The following TRPC7 variants were observed in gnomAD, a reference collection of about 807,000 sequenced individuals.
TRPC7 encodes transient receptor potential cation channel subfamily C member 7, also known as short transient receptor potential channel 7.
In TRPC7, 42 loss-of-function variants were observed where a neutral mutation model predicts 90.1. The observed-to-expected ratio is 0.47, with a 90% CI of 0.36 to 0.60. TRPC7 has a LOEUF of 0.60. TRPC7 is among the 20% of genes least tolerant of loss of function. TRPC7 has a pLI of 0.00. For synonymous variants in TRPC7, 451 were observed against 436.3 expected, an observed-to-expected ratio of 1.03 and a Z score of -0.42; for missense variants, 955 against 1,112.3, an observed-to-expected ratio of 0.86 and a Z score of 2.01.
intron 7 of TRPC7, among the ~76,000 whole-genome samples, chr5:136,235,323 G>T (rs1347778894): frequency 6.6e-6 from 1 of 152,180 alleles, no homozygotes; most frequent in Non-Finnish European, 1.5e-5. Context: ...GCTCTACAAT[G>T]AACTTACGAT....
chr5:136,306,393 C>A (rs1401868554), intron 3 of TRPC7, among the ~76,000 whole-genome samples: 3 of 152,166 alleles, frequency 2.0e-5, no homozygotes, highest in Non-Finnish European at 4.4e-5. Flanking sequence ...ACCACAAAAT[C>A]TTCATTCAGC....
intron 2 of TRPC7, among the ~76,000 whole-genome samples, chr5:136,316,476 T>C (rs1759031231): frequency 6.6e-6 from 1 of 152,246 alleles, no homozygotes; most frequent in South Asian, 2.1e-4. Context: ...TCCTTTTGTA[T>C]GGCAAATCAT....
intron 3 of TRPC7, among the ~76,000 whole-genome samples, chr5:136,282,096 G>T (rs1757567990): frequency 6.6e-6 from 1 of 152,162 alleles, no homozygotes; most frequent in Non-Finnish European, 1.5e-5. Flanking sequence ...CAAGAAATCT[G>T]CATGGGATTC....
rs574068221 is a variant in TRPC7 at position 136,299,819 on chromosome 5, C to A, written c.963+15778G>T. ...AAGATGGCGCTTGTTGTTCTTTCCA[C>A]TTTGGGCTAGTAAATGCATCTGATT... On this transcript the variant is annotated intron_variant, in intron 3 of 11. Coordinates refer to ENST00000513104, the MANE Select transcript of TRPC7 (RefSeq NM_020389.3). Among the ~76,000 whole-genome samples the A allele has an allele frequency of 2.6e-5, 4 of 152,284 alleles. No homozygotes were observed. In the East Asian group the frequency reaches 5.8e-4, roughly 22 times the overall value.
intron 10 of TRPC7, among the ~76,000 whole-genome samples, chr5:136,224,896 CT>C (rs1375986379): frequency 1.3e-5 from 2 of 152,216 alleles, no homozygotes; most frequent in Non-Finnish European, 1.5e-5. Flanking sequence ...TCTCGGCTGA[CT>C]GTTCTCTCCT....
In TRPC7 at chr5:136,249,706, T is replaced by C. The variant is rs75035522; in HGVS notation, c.1579+1943A>G. Among the ~76,000 whole-genome samples, 1,246 of 152,260 alleles carry C rather than the reference T, an allele frequency of 8.2e-3. 14 individuals carry two copies. The highest frequency in any genetic ancestry group is 0.021 in the African/African-American group (880 of 41,548). On this transcript the variant is annotated intron_variant, in intron 6 of 11. Transcript: ENST00000513104. ...CTGACTTGTAAAGAGTTGTGATGAGTGTAGAATGAACAGCACTGTGATGAT... is the reference window on the plus strand; with the variant it reads ...CTGACTTGTAAAGAGTTGTGATGAGCGTAGAATGAACAGCACTGTGATGAT...
intron 2 of TRPC7, among the ~76,000 whole-genome samples, chr5:136,343,802 G>C (rs1759919991): frequency 1.3e-5 from 2 of 152,202 alleles, no homozygotes; most frequent in South Asian, 4.1e-4. Flanking sequence ...ACTGGGAAAA[G>C]ATATTTGCAA....
At chr5:136,244,644 A>G (rs539253959) in intron 7 of TRPC7, among the ~76,000 whole-genome samples, 2 of 152,372 alleles carry the variant, frequency 1.3e-5, no homozygotes, top group South Asian at 4.1e-4. Context: ...CACAGAAAGT[A>G]AGAGCCTTCG....
chr5:136,327,888 T>C (rs965009391), intron 2 of TRPC7, among the ~76,000 whole-genome samples: 1 of 152,200 alleles, frequency 6.6e-6, no homozygotes, highest in Non-Finnish European at 1.5e-5. Context: ...TGTTAAAATT[T>C]AACACACATG....
At chr5:136,226,538 T>C in intron 8 of TRPC7, 1 of 420,032 alleles carries the variant, frequency 2.4e-6, no homozygotes. Context: ...ACCAACATTC[T>C]CCATTTGCAG....
chr5:136,309,529 C>T (rs1018740447), intron 3 of TRPC7, among the ~76,000 whole-genome samples: 4 of 152,172 alleles, frequency 2.6e-5, no homozygotes, highest in African/African-American at 4.8e-5. Context: ...TGCCAAATAG[C>T]GCCGGGATTA....
chr5:136,241,556 T>C (rs1349473783), intron 7 of TRPC7, among the ~76,000 whole-genome samples: 29 of 149,858 alleles, frequency 1.9e-4, no homozygotes, highest in Non-Finnish European at 3.6e-4. Flanking sequence ...CTCTTTTCCT[T>C]CCTTCCTTTT....
chr5:136,225,244 T>C (rs780528777), intron 10 of TRPC7, 30 bp downstream of exon 10: 10 of 1,599,854 alleles, frequency 6.3e-6, no homozygotes, highest in Non-Finnish European at 8.5e-6. Flanking sequence ...CTTCTGCCCA[T>C]GCTTGGATGC....
At chr5:136,228,503 A>G (rs1580840471) in intron 8 of TRPC7, among the ~76,000 whole-genome samples, 1 of 146,130 alleles carries the variant, frequency 6.8e-6, no homozygotes, top group East Asian at 2.0e-4. Flanking sequence ...GTAGCAAGAG[A>G]GGGGTGAAGA....
At chr5:136,222,864 T>C (rs1361989070) in intron 10 of TRPC7, among the ~76,000 whole-genome samples, 1 of 152,142 alleles carries the variant, frequency 6.6e-6, no homozygotes, top group Non-Finnish European at 1.5e-5. Context: ...CCTCATCTGT[T>C]ACATGGGGTT....
At chr5:136,275,547 G>C (rs1295775463) in intron 3 of TRPC7, among the ~76,000 whole-genome samples, 1 of 152,128 alleles carries the variant, frequency 6.6e-6, no homozygotes, top group Non-Finnish European at 1.5e-5. Flanking sequence ...CACCACACTG[G>C]ATCCTCCACG....
chr5:136,294,509 C>T (rs1239326334), intron 3 of TRPC7, among the ~76,000 whole-genome samples: 1 of 152,180 alleles, frequency 6.6e-6, no homozygotes, highest in African/African-American at 2.4e-5. Context: ...CAAAAGAAGA[C>T]ATTTATGCAG....
chr5:136,364,023 C>A (rs1760648263), intron 1 of TRPC7, among the ~76,000 whole-genome samples: 1 of 152,034 alleles, frequency 6.6e-6, no homozygotes, highest in South Asian at 2.1e-4. Flanking sequence ...TGATAAGAGT[C>A]TGAAATAAAC....
intron 3 of TRPC7, among the ~76,000 whole-genome samples, chr5:136,307,243 C>T (rs571464849): frequency 6.6e-6 from 1 of 152,262 alleles, no homozygotes; most frequent in South Asian, 2.1e-4. Context: ...TCTATTCCTT[C>T]TGTCTCTCTG....
Sources: gnomAD v4.1 joint callset for allele counts (sites outside exome capture counted in the v4.1 genomes callset) on GRCh38, gnomAD v4.1.1 for gene constraint, MANE v1.5 for transcripts, NCBI Gene and HGNC (gene_info 2026-07-23, HGNC 2026-07-21) for gene names.